TMEM119: variants seen among roughly 807,000 people sequenced by gnomAD.
TMEM119 encodes osteoblast induction factor.
For synonymous variants in TMEM119, 182 were observed against 176.4 expected (o/e 1.03, Z -0.25); for missense variants, 410 against 381.0 (o/e 1.08, Z -0.63).
chr12:108,591,298 G>C lies in TMEM119; in HGVS notation c.*234C>G, dbSNP rs2031390691. ...CTTTGTCAGGGGAGCTGTGCTGTAGGATGTAGCCCTTTGGGGCTGCTGAGG... is the reference window on the plus strand; with the variant it reads ...CTTTGTCAGGGGAGCTGTGCTGTAGCATGTAGCCCTTTGGGGCTGCTGAGG... On this transcript the variant is annotated 3_prime_UTR_variant, in exon 2 of 2. Coordinates refer to ENST00000392806, the MANE Select transcript of TMEM119 (RefSeq NM_181724.3). This position sits in a 1 kb window ranked among gnomAD's most constrained non-coding sequence, Gnocchi z 4.2. 1 of 509,828 alleles carries C rather than the reference G, an allele frequency of 2.0e-6. No individual in the cohort carries two copies. Among genetic ancestry groups the C allele is most frequent in the African/African-American group, 1.9e-5 (1 of 51,320 alleles). The allele number at this position is 509,828 out of a possible 1,614,324, so 31.6% of individuals were successfully genotyped here. A position where few individuals can be genotyped will look rare whatever the true frequency, so the allele number is the denominator to read the frequency against.
chr12:108,596,945 TC>T (rs2031514051), intron 1 of TMEM119, among the ~76,000 whole-genome samples: 1 of 152,186 alleles, frequency 6.6e-6, no homozygotes, highest in African/African-American at 2.4e-5. Flanking sequence ...GGAGGTCACT[TC>T]CCGGCTATGT....
intron 1 of TMEM119, among the ~76,000 whole-genome samples, chr12:108,596,156 A>G (rs1171639555): frequency 6.6e-6 from 1 of 152,166 alleles, no homozygotes; most frequent in Non-Finnish European, 1.5e-5. Flanking sequence ...GAGGAAAGAT[A>G]GGGTCTGGGG....
chr12:108,591,630 C>G lies in TMEM119; in HGVS notation c.754G>C (p.Glu252Gln). The G allele has an allele frequency of 6.2e-7, 1 of 1,613,994 alleles. No individual in the cohort carries two copies. The highest frequency in any genetic ancestry group is 1.1e-5 in the South Asian group (1 of 91,082). Residue 252 changes from glutamate (E) to glutamine (Q), a missense_variant, in exon 2 of 2, where the codon GAG becomes CAG. Glu to Gln is a conservative substitution (Grantham distance 29). Transcript: ENST00000392806. This position sits in a 1 kb window ranked among gnomAD's most constrained non-coding sequence, Gnocchi z 4.2. ...GCTAACAAGAGAGACCCTTCCAGCT[C>G]CCCTTGGCCCTCACCGGCCACCACA... ...GAVVAGEGQG[E>Q]LEGSLLLAQE...
chr12:108,591,492 T>A lies in TMEM119; in HGVS notation c.*40A>T, dbSNP rs1256234339. ...TTTCATACACGGGGAGGTGACCACT[T>A]GGGGGCCCGACAGTCAGGGCTGGCA... is the stretch of plus-strand genomic sequence containing the variant. On this transcript the variant is annotated 3_prime_UTR_variant, in exon 2 of 2. Transcript: ENST00000392806. The surrounding 1 kb of genome is among the most constrained non-coding windows in gnomAD (Gnocchi z 4.2). 2 of 1,532,866 alleles carry A rather than the reference T, an allele frequency of 1.3e-6. No individual in the cohort carries two copies. The highest frequency in any genetic ancestry group is 1.8e-6 in the Non-Finnish European group (2 of 1,141,902). The allele number at this position is 1,532,866 out of a possible 1,614,324, so 95.0% of individuals were successfully genotyped here.
At chr12:108,593,702 G>C (rs1018370081) in intron 1 of TMEM119, among the ~76,000 whole-genome samples, 5 of 152,232 alleles carry the variant, frequency 3.3e-5, no homozygotes, top group African/African-American at 4.8e-5. Context: ...ATGGAAGGCT[G>C]CTCCCGGGTG....
In TMEM119 at chr12:108,591,946, G is replaced by A. The variant is rs780884014; in HGVS notation, c.438C>T (p.Gly146=). 110 of 1,612,758 alleles carry A rather than the reference G, an allele frequency of 6.8e-5. No individual in the cohort carries two copies. The highest frequency in any genetic ancestry group is 9.1e-5 in the Non-Finnish European group (107 of 1,179,542). The change falls in exon 2 of 2, where the codon GGC becomes GGT. Residue 146 remains glycine (G), a synonymous_variant. Coordinates refer to ENST00000392806, the MANE Select transcript of TMEM119 (RefSeq NM_181724.3). The surrounding 1 kb of genome is among the most constrained non-coding windows in gnomAD (Gnocchi z 4.2). Reference sequence around the variant, plus strand: ...CGGGGACCTCACTGAAGGCCCGGGGGCCCCCGGCCCGGTCACTCTGGTCCA... The same window carrying A: ...CGGGGACCTCACTGAAGGCCCGGGGACCCCCGGCCCGGTCACTCTGGTCCA... ...KYVDQSDRAG[G]PRAFSEVPDR... is the part of the protein sequence containing the mutation.
intron 1 of TMEM119, among the ~76,000 whole-genome samples, chr12:108,597,511 ACAC>A (rs2031523799): frequency 1.3e-5 from 2 of 151,778 alleles, no homozygotes; most frequent in South Asian, 4.2e-4. Flanking sequence ...AAGACACACA[ACAC>A]AGGCACACCG....
At chr12:108,596,630 A>C (rs1333803004) in intron 1 of TMEM119, among the ~76,000 whole-genome samples, 1 of 152,156 alleles carries the variant, frequency 6.6e-6, no homozygotes, top group Non-Finnish European at 1.5e-5. Context: ...CTCAAAAAAG[A>C]TGGTTGTGTG....
Position 108,591,610 on chromosome 12 carries a change from C to T in TMEM119, c.774G>A (p.Leu258=), listed in dbSNP as rs1278579086. The stretch of plus-strand genomic sequence containing the variant: ...CTGGTCCCTGGGCTTCCTGGGCTAA[C>T]AAGAGAGACCCTTCCAGCTCCCCTT... ...EGQGELEGSL[L]LAQEAQGPVG... Residue 258 remains leucine, a synonymous_variant, in exon 2 of 2, where the codon TTG becomes TTA. Coordinates refer to ENST00000392806, the MANE Select transcript of TMEM119 (RefSeq NM_181724.3). The surrounding 1 kb of genome is among the most constrained non-coding windows in gnomAD (Gnocchi z 4.2). The T allele has an allele frequency of 1.2e-6, 2 of 1,613,928 alleles. No individual in the cohort carries two copies. Among genetic ancestry groups the T allele is most frequent in the South Asian group, 2.2e-5 (2 of 91,074 alleles).
rs1436648113 is a variant in TMEM119 at position 108,592,931 on chromosome 12, G to A, written c.-14-534C>T. 6.6e-6 allele frequency among the ~76,000 whole-genome samples: 1 copy of A among 151,886 alleles called. No homozygotes were observed. Among genetic ancestry groups the A allele is most frequent in the African/African-American group, 2.4e-5 (1 of 41,338 alleles). The stretch of plus-strand genomic sequence containing the variant: ...AATGATAGTAGGGCTGAGTAAGTGA[G>A]AAACCGATTGAGTGACTGAGGTTGC... On this transcript the variant is annotated intron_variant, in intron 1 of 1. Transcript: ENST00000392806. This position sits in a 1 kb window ranked among gnomAD's most constrained non-coding sequence, Gnocchi z 4.3.
Position 108,591,965 on chromosome 12 carries a change from T to G in TMEM119, c.419A>C (p.Gln140Pro), listed in dbSNP as rs1317949834. The change falls in exon 2 of 2, where the codon CAG becomes CCG. Residue 140 changes from glutamine to proline, a missense_variant. Transcript: ENST00000392806. The surrounding 1 kb of genome is among the most constrained non-coding windows in gnomAD (Gnocchi z 4.2). The stretch of plus-strand genomic sequence containing the variant: ...CCGGGGGCCCCCGGCCCGGTCACTC[T>G]GGTCCACGTACTTCTTCTTGGGGAA... Reference protein sequence around the residue: ...SSFPKKKYVDQSDRAGGPRAF... With the variant: ...SSFPKKKYVDPSDRAGGPRAF... 1 of 1,613,164 alleles carries G rather than the reference T, an allele frequency of 6.2e-7. No individual in the cohort carries two copies. Among genetic ancestry groups the G allele is most frequent in the African/African-American group, 1.3e-5 (1 of 75,010 alleles).
At position 108,592,619 on chromosome 12, in the gene TMEM119, C is replaced by A. The variant is rs1037735681; in HGVS notation, c.-14-222G>T. ...AGGTCAGGGGCTGAATCTTATTCAT[C>A]TCGGCCTCCTCAGGGTTTGGCCCCA... is the stretch of plus-strand genomic sequence containing the variant. On this transcript the variant is annotated intron_variant, in intron 1 of 1. Coordinates refer to ENST00000392806, the MANE Select transcript of TMEM119 (RefSeq NM_181724.3). This position sits in a 1 kb window ranked among gnomAD's most constrained non-coding sequence, Gnocchi z 4.3. 6.6e-6 allele frequency among the ~76,000 whole-genome samples: 1 copy of A among 152,206 alleles called. No individual in the cohort carries two copies. The highest frequency in any genetic ancestry group is 2.4e-5 in the African/African-American group (1 of 41,456).
chr12:108,595,741 G>A (rs567230367), intron 1 of TMEM119, among the ~76,000 whole-genome samples: 1 of 152,166 alleles, frequency 6.6e-6, no homozygotes, highest in South Asian at 2.1e-4. Flanking sequence ...CCCGCTGGTG[G>A]ACATCACCTG....
intron 1 of TMEM119, chr12:108,594,282 C>A (rs900654584): frequency 1.3e-5 from 2 of 152,286 alleles, no homozygotes; most frequent in African/African-American, 2.4e-5. Flanking sequence ...CAGCTGGGTG[C>A]GGTGGCTCAT....
intron 1 of TMEM119, among the ~76,000 whole-genome samples, chr12:108,596,227 G>T (rs1345472810): frequency 6.6e-6 from 1 of 152,108 alleles, no homozygotes; most frequent in Non-Finnish European, 1.5e-5. Flanking sequence ...ACCCTGAGTC[G>T]ACAAATGAGC....
At chr12:108,595,357 TC>T (rs2031486860) in intron 1 of TMEM119, among the ~76,000 whole-genome samples, 1 of 74,490 alleles carries the variant, frequency 1.3e-5, no homozygotes, top group Non-Finnish European at 2.4e-5. Flanking sequence ...GACTACACAA[TC>T]ATACACACAT....
Position 108,591,786 on chromosome 12 carries a change from C to T in TMEM119, c.598G>A (p.Val200Met). 1.3e-6 allele frequency: 2 copies of T among 1,593,040 alleles called. No homozygotes were observed. Among genetic ancestry groups the T allele is most frequent in the Non-Finnish European group, 1.7e-6 (2 of 1,168,852 alleles). The change falls in exon 2 of 2, where the codon GTG becomes ATG. Residue 200 changes from valine to methionine, a missense_variant. Coordinates refer to ENST00000392806, the MANE Select transcript of TMEM119 (RefSeq NM_181724.3). The surrounding 1 kb of genome is among the most constrained non-coding windows in gnomAD (Gnocchi z 4.2). ...ALGGGDGARM[V>M]EGRGAEEEEK... ...TCTTCCTCTGCGCCCCTGCCCTCCA[C>T]CATCCTGGCTCCGTCCCCACCGCCC...
Position 108,592,825 on chromosome 12 carries a change from G to C in TMEM119, c.-14-428C>G, listed in dbSNP as rs966753931. 6.6e-6 allele frequency among the ~76,000 whole-genome samples: 1 copy of C among 152,120 alleles called. No homozygotes were observed. The highest frequency in any genetic ancestry group is 6.5e-5 in the Admixed American group (1 of 15,286). On this transcript the variant is annotated intron_variant, in intron 1 of 1. Coordinates refer to ENST00000392806, the MANE Select transcript of TMEM119 (RefSeq NM_181724.3). The surrounding 1 kb of genome is among the most constrained non-coding windows in gnomAD (Gnocchi z 4.3). ...GAAGTTCTATGATTAGGCCCATTTTGCAGATGAAAAAACAGAGGCTGAGAG... is the reference window on the plus strand; with the variant it reads ...GAAGTTCTATGATTAGGCCCATTTTCCAGATGAAAAAACAGAGGCTGAGAG...
Position 108,591,875 on chromosome 12 carries a change from C to A in TMEM119, c.509G>T (p.Arg170Leu). 1 of 1,609,928 alleles carries A rather than the reference C, an allele frequency of 6.2e-7. No homozygotes were observed. Among genetic ancestry groups the A allele is most frequent in the Middle Eastern group, 1.7e-4 (1 of 6,018 alleles). Residue 170 changes from arginine to leucine, a missense_variant, in exon 2 of 2, where the codon CGG becomes CTG. By Grantham distance (102) the Arg-to-Leu change is moderately radical. Coordinates refer to ENST00000392806, the MANE Select transcript of TMEM119 (RefSeq NM_181724.3). This position sits in a 1 kb window ranked among gnomAD's most constrained non-coding sequence, Gnocchi z 4.2. ...GGCCAAGATGTCGGCCTGGAGCTGCCGGGAGGAATCCAGGGCTTCCTCGGG... is the reference window on the plus strand; with the variant it reads ...GGCCAAGATGTCGGCCTGGAGCTGCAGGGAGGAATCCAGGGCTTCCTCGGG... Reference protein sequence around the residue: ...SRPEEALDSSRQLQADILAAT... With the variant: ...SRPEEALDSSLQLQADILAAT...
Sources: gnomAD v4.1 joint callset for allele counts (sites outside exome capture counted in the v4.1 genomes callset) on GRCh38, gnomAD v4.1.1 for gene constraint, Gnocchi (gnomAD v3.1) non-coding constraint, MANE v1.5 for transcripts, NCBI Gene and HGNC (gene_info 2026-07-23, HGNC 2026-07-21) for gene names.